Variants in PTCD3 observed in about 807,000 individuals in gnomAD.
PTCD3 encodes pentatricopeptide repeat domain 3, also known as small ribosomal subunit protein mS39.
In PTCD3, 89 loss-of-function variants were observed where a neutral mutation model predicts 101.9. The ratio of observed to expected loss-of-function variants is 0.87; its 90% CI spans 0.74 to 1.04. The LOEUF is 1.04. Among genes scored for constraint, PTCD3 ranks in the 50% least tolerant of loss-of-function variants. The probability of loss-of-function intolerance (pLI) is 0.00; values close to 1 mark genes in which losing one functional copy is unlikely to be tolerated. For synonymous variants in PTCD3, 296 were observed against 278.5 expected (o/e 1.06, Z -0.63); for missense variants, 870 against 828.2 (o/e 1.05, Z -0.62).
chr2:86,124,264 G>A (rs866088686), intron 9 of PTCD3, among the ~76,000 whole-genome samples: 1 of 152,178 alleles, frequency 6.6e-6, no homozygotes, highest in African/African-American at 2.4e-5. Flanking sequence ...TGTCTGGAGA[G>A]GGAAAGCTAC....
intron 14 of PTCD3, among the ~76,000 whole-genome samples, chr2:86,129,935 CCATTAATTCTAGTT>C (rs1434009440): frequency 1.5e-5 from 1 of 66,978 alleles, no homozygotes; most frequent in East Asian, 3.4e-4. Flanking sequence ...ACTGCCCTGT[CCATTAATTCTAGTT>C]TACTTTTTCT....
intron 21 of PTCD3, chr2:86,135,947 C>A (rs1191409633): frequency 1.9e-6 from 1 of 519,162 alleles, no homozygotes; most frequent in Non-Finnish European, 3.8e-6. Context: ...CTCCTTTGTC[C>A]TGCATGTGGC....
At position 86,121,453 on chromosome 2, in the gene PTCD3, T is replaced by C. The variant is rs757818040; in HGVS notation, c.539-26T>C. On this transcript the variant is annotated intron_variant, in intron 7 of 23. Coordinates refer to ENST00000254630, the MANE Select transcript of PTCD3 (RefSeq NM_017952.6). ...TAGTTCTTCATTGTTTCAAGGTTTC[T>C]TTATCTTTCTGTCTCTTACCCACAG... 7.0e-6 allele frequency: 10 copies of C among 1,438,262 alleles called. No homozygotes were observed. The South Asian group carries it at 9.8e-5, about 14-fold the overall frequency. 89.1% of individuals were successfully genotyped at this position (1,438,262 alleles called of 1,614,324 possible).
chr2:86,133,190 C>A lies in PTCD3; in HGVS notation c.1386C>A (p.Phe462Leu), dbSNP rs754590876. The A allele has an allele frequency of 6.2e-7, 1 of 1,613,726 alleles. No individual in the cohort carries two copies. Among genetic ancestry groups the A allele is most frequent in the Admixed American group, 1.7e-5 (1 of 59,960 alleles). ...QHRNFYYSKF[F>L]DLICLMEQID... Reference sequence around the variant, plus strand: ...GCCTTCATCACAGTTCCAAGTTCTTCGATTTGATTTGTCTAATGGAACAAA... The same window carrying A: ...GCCTTCATCACAGTTCCAAGTTCTTAGATTTGATTTGTCTAATGGAACAAA... The change falls in exon 18 of 24, where the codon TTC becomes TTA. Residue 462 changes from phenylalanine to leucine, a missense_variant. Coordinates refer to ENST00000254630, the MANE Select transcript of PTCD3 (RefSeq NM_017952.6).
At chr2:86,122,890 T>A (rs1389666018) in intron 8 of PTCD3, among the ~76,000 whole-genome samples, 1 of 152,214 alleles carries the variant, frequency 6.6e-6, no homozygotes, top group Non-Finnish European at 1.5e-5. Context: ...ACCTCTGCAA[T>A]GCCAACCAAG....
chr2:86,125,106 G>C, intron 10 of PTCD3, 24 bp downstream of exon 10: 1 of 1,611,330 alleles, frequency 6.2e-7, no homozygotes, highest in Non-Finnish European at 8.5e-7. Context: ...ATTTATTTTT[G>C]TCTTTCATTT....
intron 19 of PTCD3, 32 bp from the exon 20 acceptor site, chr2:86,134,258 CAA>C: frequency 6.7e-7 from 1 of 1,494,970 alleles, no homozygotes; most frequent in Middle Eastern, 1.7e-4. Context: ...TTTTACATAA[CAA>C]TGATCACTCC....
intron 21 of PTCD3, 176 bp downstream of exon 21, chr2:86,135,163 T>A: frequency 1.7e-6 from 1 of 581,812 alleles, no homozygotes; most frequent in Non-Finnish European, 2.9e-6. Context: ...ATGATGTAGT[T>A]GAGATAAGGC....
chr2:86,111,136 C>A lies in PTCD3; in HGVS notation c.218C>A (p.Ala73Glu), dbSNP rs199979822. ...KTWDKVAVLQALASTVNRDTT... is the reference protein window; with the variant it reads ...KTWDKVAVLQELASTVNRDTT... ...AGGGATAAAGTAGCCGTTCTTCAGG[C>A]ACTTGCATCCACAGTAAACAGGGTA... The change falls in exon 4 of 24, where the codon GCA (alanine) becomes GAA (glutamate). Residue 73 changes from alanine (A) to glutamate (E), a missense_variant. Coordinates refer to ENST00000254630, the MANE Select transcript of PTCD3 (RefSeq NM_017952.6). 3 of 1,613,558 alleles carry A rather than the reference C, an allele frequency of 1.9e-6. No homozygotes were observed. The Admixed American group carries it at 5.0e-5, about 27-fold the overall frequency.
At position 86,141,427 on chromosome 2, in the gene PTCD3, C is replaced by G. The variant is rs150937914; in HGVS notation, c.*3868C>G. The G allele has an allele frequency of 2.0e-5, 3 of 152,322 alleles. No homozygotes were observed. The East Asian group carries it at 5.8e-4, about 29-fold the overall frequency. The allele number at this position is 152,322 out of a possible 1,614,324, so 9.4% of individuals were successfully genotyped here. Reference sequence around the variant, plus strand: ...TCTGTGTTAAATCAAATGATCTGTTCTGCACTGAGCCAAGCAAGTTACTTT... The same window carrying G: ...TCTGTGTTAAATCAAATGATCTGTTGTGCACTGAGCCAAGCAAGTTACTTT... On this transcript the variant is annotated 3_prime_UTR_variant, in exon 24 of 24. Transcript: ENST00000254630.
chr2:86,116,520 T>G lies in PTCD3; in HGVS notation c.241-10T>G. 2 of 1,598,888 alleles carry G rather than the reference T, an allele frequency of 1.3e-6. No individual in the cohort carries two copies. Among genetic ancestry groups the G allele is most frequent in the Non-Finnish European group, 1.7e-6 (2 of 1,166,530 alleles). ...ATAAATATAGAAATTGTATTATGTC[T>G]TTTCCACAGGATACCACAGCTGTGC... On this transcript the variant is annotated splice_polypyrimidine_tract_variant and intron_variant, in intron 4 of 23. Coordinates refer to ENST00000254630, the MANE Select transcript of PTCD3 (RefSeq NM_017952.6).
intron 4 of PTCD3, among the ~76,000 whole-genome samples, chr2:86,113,462 C>T (rs1350163484): frequency 6.6e-6 from 1 of 152,148 alleles, no homozygotes; most frequent in African/African-American, 2.4e-5. Flanking sequence ...TCGATTATTA[C>T]AAGTACGCAG....
At chr2:86,130,992 T>G in intron 15 of PTCD3, 86 bp from the exon 16 acceptor site, 1 of 1,446,678 alleles carries the variant, frequency 6.9e-7, no homozygotes, top group Non-Finnish European at 9.5e-7. Flanking sequence ...TTACCAGTTT[T>G]GTTGGCAGGA....
intron 8 of PTCD3, among the ~76,000 whole-genome samples, chr2:86,123,061 CAT>C (rs1164277519): frequency 4.7e-4 from 71 of 152,128 alleles, no homozygotes; most frequent in African/African-American, 1.6e-3. Context: ...AGATCGAGAC[CAT>C]CCTGGCTAAC....
In PTCD3 at chr2:86,130,670, C is replaced by T. The variant is rs1255802827; in HGVS notation, c.1170C>T (p.Ser390=). The T allele has an allele frequency of 1.2e-6, 2 of 1,612,954 alleles. No individual in the cohort carries two copies. Among genetic ancestry groups the T allele is most frequent in the Admixed American group, 1.7e-5 (1 of 59,846 alleles). Residue 390 remains serine (S), a synonymous_variant, in exon 15 of 24, where the codon TCC becomes TCT. Coordinates refer to ENST00000254630, the MANE Select transcript of PTCD3 (RefSeq NM_017952.6). ...DQPGDPLKRS[S]FIIYDIMNEL... ...CAGGAGACCCTTTAAAGAGATCATC[C>T]TTCATCATTTATGATATAATGAATG...
chr2:86,116,709 T>C, intron 5 of PTCD3, 111 bp downstream of exon 5: 1 of 788,056 alleles, frequency 1.3e-6, no homozygotes, highest in South Asian at 1.6e-5. Context: ...TGCTGAGAAA[T>C]TGATAGACTA....
At chr2:86,131,267 T>TGGA (rs1398720121) in intron 16 of PTCD3, among the ~76,000 whole-genome samples, 161 bp downstream of exon 16, 1 of 152,110 alleles carries the variant, frequency 6.6e-6, no homozygotes, top group Non-Finnish European at 1.5e-5. Flanking sequence ...TTCTTTGAGA[T>TGGA]GGAGGTTCAC....
chr2:86,108,695 A>G (rs1010828043), intron 3 of PTCD3, 159 bp downstream of exon 3: 2 of 639,194 alleles, frequency 3.1e-6, no homozygotes, highest in Non-Finnish European at 5.2e-6. Flanking sequence ...AAGGACAAAA[A>G]ATGGAAAGGT....
chr2:86,120,916 T>C (rs185217452), intron 7 of PTCD3, among the ~76,000 whole-genome samples: 2 of 152,318 alleles, frequency 1.3e-5, no homozygotes, highest in East Asian at 3.9e-4. Context: ...CATTTACTTT[T>C]CTTATAAGAT....
Sources: gnomAD v4.1 joint callset for allele counts (sites outside exome capture counted in the v4.1 genomes callset) on GRCh38, gnomAD v4.1.1 for gene constraint, MANE v1.5 for transcripts, NCBI Gene and HGNC (gene_info 2026-07-23, HGNC 2026-07-21) for gene names.